The following EPHA4 variants were observed in gnomAD, a reference collection of about 807,000 sequenced individuals.
EPHA4 encodes the protein EPH receptor A4.
A neutral mutation model predicts 108.3 loss-of-function variants in EPHA4; 19 were observed. That is an observed-to-expected ratio of 0.18 (90% CI 0.12 to 0.26). The LOEUF (loss-of-function observed/expected upper bound fraction) is 0.26. Among genes scored for constraint, EPHA4 ranks in the 10% least tolerant of loss-of-function variants. The probability of loss-of-function intolerance (pLI) is 1.00; values close to 1 mark genes in which losing one functional copy is unlikely to be tolerated. For synonymous variants in EPHA4, 449 were observed against 455.5 expected, an observed-to-expected ratio of 0.99 and a Z score of 0.18; for missense variants, 917 against 1,254.0, an observed-to-expected ratio of 0.73 and a Z score of 4.06.
chr2:221,421,484 C>G (rs1365899785), intron 17 of EPHA4, among the ~76,000 whole-genome samples: 2 of 152,306 alleles, frequency 1.3e-5, no homozygotes, highest in East Asian at 3.9e-4. Flanking sequence ...GAGATACTTG[C>G]TCTATGAACG....
intron 3 of EPHA4, among the ~76,000 whole-genome samples, chr2:221,562,612 T>C (rs1315492796): frequency 6.6e-6 from 1 of 152,242 alleles, no homozygotes; most frequent in Non-Finnish European, 1.5e-5. Flanking sequence ...ATTAATCTGA[T>C]TGTTCCATAG....
At chr2:221,421,615 G>A (rs1025319789) in intron 17 of EPHA4, among the ~76,000 whole-genome samples, 7 of 152,206 alleles carry the variant, frequency 4.6e-5, no homozygotes, top group African/African-American at 1.7e-4. Flanking sequence ...GACTCCTCAT[G>A]GCTCCTCATT....
chr2:221,442,975 G>A lies in EPHA4; in HGVS notation c.1928C>T (p.Pro643Leu). 6.2e-7 allele frequency: 1 copy of A among 1,614,104 alleles called. No individual in the cohort carries two copies. The highest frequency in any genetic ancestry group is 8.5e-7 in the Non-Finnish European group (1 of 1,180,022). ...AGCCACACAGATCTCTCTCTTGCCA[G>A]GCACTTTGAGACGCCCACTGCATAC... ...GEVCSGRLKV[P>L]GKREICVAIK... The change falls in exon 11 of 18, where the codon CCT (proline) becomes CTT (leucine). Residue 643 changes from proline (P) to leucine (L), a missense_variant. Physicochemically the swap from Pro to Leu is moderately conservative, Grantham distance 98. Around this residue, in one of 3 missense-constraint regions of EPHA4, gnomAD observed 758 missense variants for 1,076.7 expected, o/e 0.70. Transcript: ENST00000281821.
chr2:221,563,681 A>G (rs887974644), intron 3 of EPHA4, 50 bp downstream of exon 3: 1 of 1,580,022 alleles, frequency 6.3e-7, no homozygotes. Flanking sequence ...CTCTGATTTA[A>G]TTACTCGCAC....
intron 8 of EPHA4, among the ~76,000 whole-genome samples, chr2:221,452,828 C>T (rs1460129499): frequency 6.6e-6 from 1 of 151,988 alleles, no homozygotes; most frequent in Non-Finnish European, 1.5e-5. Context: ...ATCAATCCTG[C>T]CTTATATAAT....
chr2:221,566,956 GGGAAGAGGAAGAGGA>G (rs1559297417), intron 2 of EPHA4, among the ~76,000 whole-genome samples: 18 of 6,470 alleles, frequency 2.8e-3, no homozygotes, highest in Admixed American at 6.5e-3. Context: ...GAAGGAGAAG[GGGAAGAGGAAGAGGA>G]AGAAGAAGAA....
At chr2:221,437,757 C>CAAAAA (rs538233784) in intron 11 of EPHA4, among the ~76,000 whole-genome samples, 21,261 of 125,046 alleles carry the variant, frequency 0.17, 1,673 homozygotes, top group Middle Eastern at 0.21. Flanking sequence ...ACTAAAAATA[C>CAAAAA]AAAAAAAAAA....
At position 221,568,806 on chromosome 2, in the gene EPHA4, A is replaced by T. The variant is rs752326804; in HGVS notation, c.92-21T>A. ...GGTAACTGCAAAAAACAAAAGAAAA[A>T]TAGATGAATTTCCAATTGCAAAAAG... On this transcript the variant is annotated intron_variant, in intron 1 of 17. Coordinates refer to ENST00000281821, the MANE Select transcript of EPHA4 (RefSeq NM_004438.5). 2.5e-6 allele frequency: 4 copies of T among 1,605,322 alleles called. No individual in the cohort carries two copies. In the African/African-American group the frequency reaches 5.4e-5, roughly 21 times the overall value.
chr2:221,442,604 T>G (rs528118344), intron 11 of EPHA4, among the ~76,000 whole-genome samples: 3 of 152,300 alleles, frequency 2.0e-5, no homozygotes, highest in African/African-American at 7.2e-5. Context: ...TCTGCAATAT[T>G]AATTTCTCTA....
At chr2:221,421,265 T>A (rs2099189) in intron 17 of EPHA4, among the ~76,000 whole-genome samples, 70,855 of 150,012 alleles carry the variant, frequency 0.47, 17,353 homozygotes, top group African/African-American at 0.61. Flanking sequence ...GCGCCACTGC[T>A]CTCCAGCCTG....
intron 3 of EPHA4, among the ~76,000 whole-genome samples, chr2:221,558,509 C>T (rs918562533): frequency 2.0e-5 from 3 of 152,092 alleles, no homozygotes; most frequent in African/African-American, 7.2e-5. Context: ...CTGCTTTGCA[C>T]AGCAGTAACT....
rs1207431142 is a variant in EPHA4 at position 221,571,765 on chromosome 2, T to C, written c.91+393A>G. The stretch of plus-strand genomic sequence containing the variant: ...GAATCCGGGAGCACCAAGCCTTCAC[T>C]GTGCTCCAGGCTGCGTTTTCCCCTC... On this transcript the variant is annotated intron_variant, in intron 1 of 17. Transcript: ENST00000281821. This position sits in a 1 kb window ranked among gnomAD's most constrained non-coding sequence, Gnocchi z 6.3. Among the ~76,000 whole-genome samples, 1 of 152,068 alleles carries C rather than the reference T, an allele frequency of 6.6e-6. No individual in the cohort carries two copies. Among genetic ancestry groups the C allele is most frequent in the African/African-American group, 2.4e-5 (1 of 41,406 alleles).
intron 1 of EPHA4, 102 bp downstream of exon 1, chr2:221,572,056 A>T (rs1694855952): frequency 5.1e-6 from 5 of 973,244 alleles, no homozygotes; most frequent in Non-Finnish European, 8.1e-6. Context: ...CACCATTCAC[A>T]CTGGGCTCCC....
chr2:221,466,025 A>G (rs1320337706), intron 5 of EPHA4, among the ~76,000 whole-genome samples: 2 of 152,152 alleles, frequency 1.3e-5, no homozygotes, highest in African/African-American at 4.8e-5. Flanking sequence ...ATGCACGATG[A>G]GCAGATATCC....
chr2:221,511,344 C>A (rs1171291821), intron 3 of EPHA4, among the ~76,000 whole-genome samples: 1 of 151,916 alleles, frequency 6.6e-6, no homozygotes, highest in Non-Finnish European at 1.5e-5. Flanking sequence ...GCACCTATAA[C>A]AATGGCTGAG....
chr2:221,421,854 C>A (rs147310613), intron 17 of EPHA4: 5 of 152,176 alleles, frequency 3.3e-5, no homozygotes, highest in African/African-American at 1.2e-4. Flanking sequence ...CATATGTGTA[C>A]ATTTATCGTG....
chr2:221,426,380 G>A, intron 16 of EPHA4, 84 bp downstream of exon 16: 1 of 1,468,012 alleles, frequency 6.8e-7, no homozygotes, highest in Non-Finnish European at 9.1e-7. Flanking sequence ...TAAATGAGTA[G>A]GATGATTACG....
At position 221,472,613 on chromosome 2, in the gene EPHA4, A is replaced by AT. The variant is rs71266314; in HGVS notation, c.1318+9738dup. Among the ~76,000 whole-genome samples, 1,495 of 152,074 alleles carry AT rather than the reference A, an allele frequency of 9.8e-3. 11 individuals are homozygous for AT. The highest frequency in any genetic ancestry group is 0.016 in the Non-Finnish European group (1,055 of 68,008). On this transcript the variant is annotated intron_variant, in intron 5 of 17. Coordinates refer to ENST00000281821, the MANE Select transcript of EPHA4 (RefSeq NM_004438.5). Reference sequence around the variant, plus strand: ...CTGTCCCACAGCCTTTATTAAAAGGATTTTTTTGAAAGTGATAAACAAACT... The same window carrying AT: ...CTGTCCCACAGCCTTTATTAAAAGGATTTTTTTTGAAAGTGATAAACAAACT...
chr2:221,525,002 G>A (rs1693278344), intron 3 of EPHA4, among the ~76,000 whole-genome samples: 1 of 151,512 alleles, frequency 6.6e-6, no homozygotes, highest in Non-Finnish European at 1.5e-5. Context: ...GAAAAAAAGA[G>A]GCAATTTTTA....
Sources: gnomAD v4.1 joint callset for allele counts (sites outside exome capture counted in the v4.1 genomes callset) on GRCh38, gnomAD v4.1.1 for gene constraint, gnomAD v4.1.1 regional missense constraint, Gnocchi (gnomAD v3.1) non-coding constraint, MANE v1.5 for transcripts, NCBI Gene and HGNC (gene_info 2026-07-23, HGNC 2026-07-21) for gene names.